Variants in KCNQ1 observed in about 807,000 individuals in gnomAD.
The protein encoded by KCNQ1 is potassium voltage-gated channel subfamily Q member 1.
KCNQ1 carries 49 observed loss-of-function variants against 72.4 expected under a neutral mutation model. The observed-to-expected ratio is 0.68, with a 90% CI of 0.54 to 0.86. KCNQ1 has a LOEUF of 0.86. Ranked by LOEUF, KCNQ1 falls within the 40% of genes least tolerant of loss-of-function variation. The pLI is 0.00. For synonymous variants in KCNQ1, 450 were observed against 412.6 expected, an observed-to-expected ratio of 1.09 and a Z score of -1.10; for missense variants, 790 against 945.1, an observed-to-expected ratio of 0.84 and a Z score of 2.15.
Position 2,651,464 on chromosome 11 carries a change from G to A in KCNQ1, c.1394-10497G>A. ...GCCTGAAGTCAGAGGTAGTGCTTAT[G>A]AAAGTATCTGGTGGGCTTGCATTAA... On this transcript the variant is annotated intron_variant, in intron 10 of 15. Transcript: ENST00000155840. The surrounding 1 kb of genome is among the most constrained non-coding windows in gnomAD (Gnocchi z 6.1). The A allele has an allele frequency of 2.5e-6, 1 of 398,758 alleles. No homozygotes were observed. The highest frequency in any genetic ancestry group is 4.4e-6 in the Non-Finnish European group (1 of 226,154). The allele number at this position is 398,758 out of a possible 1,614,324, so 24.7% of individuals were successfully genotyped here. A position where few individuals can be genotyped will look rare whatever the true frequency, so the allele number is the denominator to read the frequency against.
At chr11:2,555,589 C>T (rs1171116962) in intron 2 of KCNQ1, among the ~76,000 whole-genome samples, 3 of 152,228 alleles carry the variant, frequency 2.0e-5, no homozygotes, top group Admixed American at 6.5e-5. Context: ...CCTGTGTGTG[C>T]GGGGCCCTGG....
chr11:2,752,687 C>T lies in KCNQ1; in HGVS notation c.1515-16157C>T, dbSNP rs1846245517. 6.6e-6 allele frequency among the ~76,000 whole-genome samples: 1 copy of T among 152,140 alleles called. No individual in the cohort carries two copies. Among genetic ancestry groups the T allele is most frequent in the African/African-American group, 2.4e-5 (1 of 41,436 alleles). On this transcript the variant is annotated intron_variant, in intron 11 of 15. Coordinates refer to ENST00000155840, the MANE Select transcript of KCNQ1 (RefSeq NM_000218.3). This position sits in a 1 kb window ranked among gnomAD's most constrained non-coding sequence, Gnocchi z 5.2. ...GCATCCTCTTCCTGAAGGCTCTGCC[C>T]TCACGGCCGAATCACCTCTCAAATG...
At chr11:2,846,790 C>T (rs899612314) in intron 15 of KCNQ1, among the ~76,000 whole-genome samples, 1 of 152,276 alleles carries the variant, frequency 6.6e-6, no homozygotes, top group Non-Finnish European at 1.5e-5. Flanking sequence ...TGGCTGTCCA[C>T]TCGTTTGGGG....
At chr11:2,643,240 C>G (rs1355309474) in intron 10 of KCNQ1, 2 of 398,036 alleles carry the variant, frequency 5.0e-6, no homozygotes, top group African/African-American at 4.1e-5. Flanking sequence ...GATGATCTGT[C>G]TAATACTGGA....
intron 15 of KCNQ1, among the ~76,000 whole-genome samples, chr11:2,805,136 C>A (rs1031253694): frequency 4.9e-4 from 75 of 152,326 alleles, no homozygotes; most frequent in East Asian, 1.9e-4. Context: ...TCAGGCTGAG[C>A]CAGACGTGGA....
At position 2,748,294 on chromosome 11, in the gene KCNQ1, C is replaced by T. The variant is rs1846170567; in HGVS notation, c.1515-20550C>T. On this transcript the variant is annotated intron_variant, in intron 11 of 15. Transcript: ENST00000155840. This position sits in a 1 kb window ranked among gnomAD's most constrained non-coding sequence, Gnocchi z 6.2. ...AAGCTGGCATGCCCCCACCCCCTAG[C>T]TCACCCTGGGTCCACGCAGGGCCTG... 6.6e-6 allele frequency among the ~76,000 whole-genome samples: 1 copy of T among 152,200 alleles called. No individual in the cohort carries two copies. Among genetic ancestry groups the T allele is most frequent in the South Asian group, 2.1e-4 (1 of 4,836 alleles).
At chr11:2,570,126 G>A (rs1461788537) in intron 2 of KCNQ1, among the ~76,000 whole-genome samples, 2 of 152,196 alleles carry the variant, frequency 1.3e-5, no homozygotes, top group African/African-American at 4.8e-5. Context: ...TCTGACCCAG[G>A]CTAGGGTTCC....
intron 2 of KCNQ1, among the ~76,000 whole-genome samples, chr11:2,554,193 T>G (rs1032740663): frequency 1.3e-5 from 2 of 152,252 alleles, no homozygotes; most frequent in Admixed American, 1.3e-4. Context: ...TGCTCTTCAA[T>G]TTTTAGGAAG....
intron 4 of KCNQ1, among the ~76,000 whole-genome samples, chr11:2,571,806 A>T (rs891019702): frequency 4.6e-5 from 7 of 152,164 alleles, no homozygotes; most frequent in Non-Finnish European, 1.0e-4. Context: ...CTGTGTGGGC[A>T]GATTCAGAGC....
At chr11:2,755,236 T>TTTG (rs1194364882) in intron 11 of KCNQ1, among the ~76,000 whole-genome samples, 2 of 152,006 alleles carry the variant, frequency 1.3e-5, no homozygotes, top group Admixed American at 1.3e-4. Context: ...GCCTCCACTG[T>TTTG]TTGTTGTTGT....
intron 15 of KCNQ1, among the ~76,000 whole-genome samples, chr11:2,802,172 A>G (rs980787471): frequency 2.0e-5 from 3 of 152,242 alleles, no homozygotes; most frequent in Non-Finnish European, 4.4e-5. Flanking sequence ...GGGAGGCCAC[A>G]GGGTGCCCAG....
intron 2 of KCNQ1, among the ~76,000 whole-genome samples, chr11:2,540,498 G>T (rs1435412895): frequency 6.6e-6 from 1 of 152,238 alleles, no homozygotes; most frequent in African/African-American, 2.4e-5. Context: ...TGGCCAACGG[G>T]ATGCCTGGTG....
In KCNQ1 at chr11:2,710,203, T is replaced by C. The variant is rs1462556817; in HGVS notation, c.1514+48122T>C. On this transcript the variant is annotated intron_variant, in intron 11 of 15. Coordinates refer to ENST00000155840, the MANE Select transcript of KCNQ1 (RefSeq NM_000218.3). The surrounding 1 kb of genome is among the most constrained non-coding windows in gnomAD (Gnocchi z 4.1). ...ATCTTAGTGGGTGTGAAGTGATATC[T>C]CCTAGTGGTTTTGATTTGCATTTCC... Among the ~76,000 whole-genome samples, 1 of 152,246 alleles carries C rather than the reference T, an allele frequency of 6.6e-6. No homozygotes were observed. Among genetic ancestry groups the C allele is most frequent in the Non-Finnish European group, 1.5e-5 (1 of 68,050 alleles).
In KCNQ1 at chr11:2,736,477, C is replaced by T. The variant is rs151210246; in HGVS notation, c.1515-32367C>T. 5.9e-5 allele frequency among the ~76,000 whole-genome samples: 9 copies of T among 152,218 alleles called. No individual in the cohort carries two copies. In the East Asian group the frequency reaches 1.7e-3, roughly 29 times the overall value. On this transcript the variant is annotated intron_variant, in intron 11 of 15. Coordinates refer to ENST00000155840, the MANE Select transcript of KCNQ1 (RefSeq NM_000218.3). ...GGGGCCTCTGGGGTTAGACGGTGGC[C>T]CCCGTGCCTGGAGAGAAGGTGCACT...
intron 11 of KCNQ1, among the ~76,000 whole-genome samples, chr11:2,757,543 CAAG>C (rs1276265386): frequency 6.6e-6 from 1 of 152,148 alleles, no homozygotes; most frequent in Non-Finnish European, 1.5e-5. Flanking sequence ...AGAATCCTAG[CAAG>C]ATTTCTTATG....
Position 2,664,321 on chromosome 11 carries a change from CAG to C in KCNQ1, c.1514+2241_1514+2242del, listed in dbSNP as rs1850023677. On this transcript the variant is annotated intron_variant, in intron 11 of 15. Coordinates refer to ENST00000155840, the MANE Select transcript of KCNQ1 (RefSeq NM_000218.3). The surrounding 1 kb of genome is among the most constrained non-coding windows in gnomAD (Gnocchi z 5.1). Reference sequence around the variant, plus strand: ...CATTGTGTTCTGGTCAGGGAAGACTCAGGGCTGAGGCTTCAGGGGAGCTGGGT... The same window carrying C: ...CATTGTGTTCTGGTCAGGGAAGACTCGGCTGAGGCTTCAGGGGAGCTGGGT... 7.5e-6 allele frequency: 3 copies of C among 398,978 alleles called. No individual in the cohort carries two copies. In the South Asian group the frequency reaches 3.8e-4, roughly 51 times the overall value. 24.7% of individuals were successfully genotyped at this position (398,978 alleles called of 1,614,324 possible).
At chr11:2,747,453 C>A (rs1846158805) in intron 11 of KCNQ1, among the ~76,000 whole-genome samples, 1 of 152,216 alleles carries the variant, frequency 6.6e-6, no homozygotes, top group Non-Finnish European at 1.5e-5. Flanking sequence ...CAGCCTTGCA[C>A]CCTGGGGCAG....
At position 2,612,120 on chromosome 11, in the gene KCNQ1, T is replaced by G; in HGVS notation, c.1393+23266T>G. ...ACAGGGGTTCCCAACCCCAGGGCCA[T>G]GGACTGGTACCAGTCTGTGGCCTAT... is the stretch of plus-strand genomic sequence containing the variant. On this transcript the variant is annotated intron_variant, in intron 10 of 15. Transcript: ENST00000155840. The surrounding 1 kb of genome is among the most constrained non-coding windows in gnomAD (Gnocchi z 5.5). 1 of 398,644 alleles carries G rather than the reference T, an allele frequency of 2.5e-6. No individual in the cohort carries two copies. Among genetic ancestry groups the G allele is most frequent in the Non-Finnish European group, 4.4e-6 (1 of 226,062 alleles). The allele number at this position is 398,644 out of a possible 1,614,324, so 24.7% of individuals were successfully genotyped here.
intron 10 of KCNQ1, chr11:2,614,057 C>A: frequency 2.5e-6 from 1 of 398,556 alleles, no homozygotes; most frequent in South Asian, 1.3e-4. Context: ...ACCTTTCAAC[C>A]AATCTCTTAT....
Sources: gnomAD v4.1 joint callset for allele counts (sites outside exome capture counted in the v4.1 genomes callset) on GRCh38, gnomAD v4.1.1 for gene constraint, Gnocchi (gnomAD v3.1) non-coding constraint, MANE v1.5 for transcripts, NCBI Gene and HGNC (gene_info 2026-07-23, HGNC 2026-07-21) for gene names.